The following RFX3 variants were observed in gnomAD, a reference collection of about 807,000 sequenced individuals.
The protein encoded by RFX3 is regulatory factor X3.
RFX3 carries 14 observed loss-of-function variants against 98.6 expected under a neutral mutation model. The observed-to-expected ratio is 0.14, with a 90% CI of 0.09 to 0.22. The LOEUF (loss-of-function observed/expected upper bound fraction) is 0.22. Ranked by LOEUF, RFX3 falls within the 10% of genes least tolerant of loss-of-function variation. The pLI, the probability that RFX3 is intolerant of heterozygous loss-of-function variation, is 1.00. For missense variants in RFX3, 639 were observed against 926.9 expected (o/e 0.69, Z 4.03); for synonymous variants, 383 against 328.4 (o/e 1.17, Z -1.80).
intron 1 of RFX3, among the ~76,000 whole-genome samples, chr9:3,431,321 C>A (rs1490559389): frequency 6.6e-6 from 1 of 152,014 alleles, no homozygotes; most frequent in Admixed American, 6.5e-5. Flanking sequence ...GCAAGTGCTC[C>A]CAAGAAGCTG....
intron 1 of RFX3, among the ~76,000 whole-genome samples, chr9:3,438,307 A>G (rs1245503552): frequency 6.6e-6 from 1 of 152,180 alleles, no homozygotes; most frequent in Non-Finnish European, 1.5e-5. Flanking sequence ...AGTCAAAAAT[A>G]CTTACACGAC....
intron 1 of RFX3, among the ~76,000 whole-genome samples, chr9:3,415,543 G>T (rs1842912380): frequency 6.6e-5 from 10 of 152,030 alleles, no homozygotes; most frequent in Admixed American, 6.6e-4. Flanking sequence ...TTAGATGCTG[G>T]GAAAGATCCC....
chr9:3,337,516 G>T (rs1405043400), intron 3 of RFX3, among the ~76,000 whole-genome samples: 1 of 152,124 alleles, frequency 6.6e-6, no homozygotes, highest in Non-Finnish European at 1.5e-5. Context: ...AGGAGCTAGG[G>T]GCACAAAGCA....
intron 4 of RFX3, among the ~76,000 whole-genome samples, chr9:3,323,026 C>T (rs1238679864): frequency 6.6e-6 from 1 of 152,072 alleles, no homozygotes; most frequent in Non-Finnish European, 1.5e-5. Context: ...TTTCTAAGTC[C>T]GTAGATTACA....
chr9:3,490,802 A>G (rs1163616816), intron 1 of RFX3, among the ~76,000 whole-genome samples: 1 of 152,138 alleles, frequency 6.6e-6, no homozygotes, highest in East Asian at 1.9e-4. Context: ...CCTTAAAAAT[A>G]ATTTAGTTTT....
chr9:3,371,760 G>C (rs1012004100), intron 2 of RFX3, among the ~76,000 whole-genome samples: 5 of 152,096 alleles, frequency 3.3e-5, no homozygotes, highest in African/African-American at 1.2e-4. Context: ...AGAACAGAAG[G>C]CTAGTAATAA....
At chr9:3,453,078 C>T (rs138568460) in intron 1 of RFX3, among the ~76,000 whole-genome samples, 1 of 152,172 alleles carries the variant, frequency 6.6e-6, no homozygotes, top group African/African-American at 2.4e-5. Context: ...ACGCACATCC[C>T]GTAAGACTGT....
intron 1 of RFX3, among the ~76,000 whole-genome samples, chr9:3,424,881 A>G (rs1843855612): frequency 6.6e-6 from 1 of 152,160 alleles, no homozygotes; most frequent in South Asian, 2.1e-4. Context: ...AAAAACTTCA[A>G]GTGGCGATGA....
intron 1 of RFX3, among the ~76,000 whole-genome samples, chr9:3,489,127 C>G (rs1850524748): frequency 6.6e-6 from 1 of 151,792 alleles, no homozygotes; most frequent in African/African-American, 2.4e-5. Context: ...TAAATAATAC[C>G]AATTTTAATA....
At chr9:3,302,479 G>GAAC (rs1338043761) in intron 4 of RFX3, among the ~76,000 whole-genome samples, 2 of 151,714 alleles carry the variant, frequency 1.3e-5, no homozygotes, top group African/African-American at 4.8e-5. Flanking sequence ...AACAGGTACT[G>GAAC]AACACCATGT....
At chr9:3,346,851 G>A (rs1834490302) in intron 2 of RFX3, 87 bp from the exon 3 acceptor site, 1 of 783,164 alleles carries the variant, frequency 1.3e-6, no homozygotes, top group East Asian at 2.5e-5. Context: ...GGTTTATCCG[G>A]TATTATTGAT....
chr9:3,402,655 A>T (rs555573676), intron 1 of RFX3, among the ~76,000 whole-genome samples: 59 of 151,754 alleles, frequency 3.9e-4, no homozygotes, highest in African/African-American at 1.4e-3. Context: ...TGCAGCATTT[A>T]TATTTATATA....
intron 1 of RFX3, among the ~76,000 whole-genome samples, chr9:3,426,420 T>TG (rs1333610901): frequency 2.6e-5 from 4 of 151,898 alleles, no homozygotes; most frequent in African/African-American, 9.7e-5. Flanking sequence ...TACAGTGGTA[T>TG]AGAACAAGGG....
intron 1 of RFX3, among the ~76,000 whole-genome samples, chr9:3,492,525 T>C (rs1022604240): frequency 2.2e-4 from 33 of 152,216 alleles, no homozygotes; most frequent in Non-Finnish European, 4.1e-4. Flanking sequence ...CAAATTCCCA[T>C]GCAAAGTTCT....
rs1439889292 is a variant in RFX3 at position 3,333,988 on chromosome 9, G to C, written c.216-3471C>G. Among the ~76,000 whole-genome samples, 5 of 152,148 alleles carry C rather than the reference G, an allele frequency of 3.3e-5. No individual in the cohort carries two copies. The East Asian group carries it at 9.7e-4, about 29-fold the overall frequency. On this transcript the variant is annotated intron_variant, in intron 3 of 16. Coordinates refer to ENST00000617270, the MANE Select transcript of RFX3 (RefSeq NM_001282116.2). Reference sequence around the variant, plus strand: ...TAATAATTCCTATTTCGCATACAAGGTGAATAACTGAAGTTTGGATTGGTT... The same window carrying C: ...TAATAATTCCTATTTCGCATACAAGCTGAATAACTGAAGTTTGGATTGGTT...
At chr9:3,490,272 A>G in intron 1 of RFX3, 7 of 951,598 alleles carry the variant, frequency 7.4e-6, no homozygotes, top group Non-Finnish European at 8.7e-6. Flanking sequence ...ACATGTGTTC[A>G]AATTACCTCA....
At chr9:3,310,208 T>C (rs909640127) in intron 4 of RFX3, among the ~76,000 whole-genome samples, 1 of 152,160 alleles carries the variant, frequency 6.6e-6, no homozygotes, top group Non-Finnish European at 1.5e-5. Context: ...GTTGAGTCTT[T>C]TGTATGATTT....
chr9:3,493,043 G>C (rs1850837008), intron 1 of RFX3, among the ~76,000 whole-genome samples: 1 of 152,078 alleles, frequency 6.6e-6, no homozygotes, highest in Admixed American at 6.5e-5. Flanking sequence ...TATAGTAGTA[G>C]TAGTCATAAA....
chr9:3,257,343 T>C, intron 13 of RFX3, 144 bp from the exon 14 acceptor site: 1 of 671,938 alleles, frequency 1.5e-6, no homozygotes, highest in South Asian at 2.0e-5. Flanking sequence ...AAAAACTACT[T>C]GTCAATTGTT....
Sources: allele counts gnomAD v4.1 joint callset (sites outside exome capture counted in the v4.1 genomes callset), GRCh38; gene constraint gnomAD v4.1.1; transcripts MANE v1.5; gene names NCBI Gene and HGNC (gene_info 2026-07-23, HGNC 2026-07-21).